CLYBL: variants seen among roughly 807,000 people sequenced by gnomAD.
CLYBL encodes the protein citramalyl-CoA lyase.
A neutral mutation model predicts 38.9 loss-of-function variants in CLYBL; 31 were observed. The observed-to-expected ratio is 0.80, with a 90% confidence interval of 0.60 to 1.08. The LOEUF is 1.08. Among genes scored for constraint, CLYBL ranks in the 50% least tolerant of loss-of-function variants. The pLI, the probability that CLYBL is intolerant of heterozygous loss-of-function variation, is 0.00. For missense variants in CLYBL, 434 were observed against 411.6 expected (o/e 1.05, Z -0.47); for synonymous variants, 171 against 158.6 (o/e 1.08, Z -0.59).
intron 2 of CLYBL, among the ~76,000 whole-genome samples, chr13:99,782,298 G>A (rs527980158): frequency 2.0e-5 from 3 of 152,284 alleles, no homozygotes; most frequent in African/African-American, 7.2e-5. Context: ...CCTGAGGTCA[G>A]GAGTTTGAGA....
chr13:99,887,082 A>G (rs2052368324), intron 7 of CLYBL, among the ~76,000 whole-genome samples: 2 of 152,216 alleles, frequency 1.3e-5, no homozygotes, highest in Admixed American at 1.3e-4. Context: ...AGACCTGCAT[A>G]TCCAAGCCAG....
intron 1 of CLYBL, among the ~76,000 whole-genome samples, chr13:99,616,549 C>T (rs1182373447): frequency 2.6e-5 from 4 of 152,192 alleles, no homozygotes; most frequent in Non-Finnish European, 5.9e-5. Flanking sequence ...TCACACTGGG[C>T]CCGCCCATGG....
chr13:99,866,063 G>A (rs1184149242), intron 5 of CLYBL, among the ~76,000 whole-genome samples, 177 bp from the exon 6 acceptor site: 1 of 152,114 alleles, frequency 6.6e-6, no homozygotes, highest in African/African-American at 2.4e-5. Context: ...ACACATTCGA[G>A]GTTTAACTTG....
intron 1 of CLYBL, among the ~76,000 whole-genome samples, chr13:99,667,408 G>A (rs2047497737): frequency 1.4e-5 from 2 of 145,438 alleles, no homozygotes; most frequent in African/African-American, 5.1e-5. Context: ...AAGGATTGCA[G>A]TATAGTCCTA....
intron 1 of CLYBL, among the ~76,000 whole-genome samples, chr13:99,654,317 G>C (rs1456804310): frequency 6.6e-6 from 1 of 152,158 alleles, no homozygotes; most frequent in African/African-American, 2.4e-5. Context: ...AGCTGAGGCT[G>C]GGCTGGCAGT....
chr13:99,859,009 T>G lies in CLYBL; in HGVS notation c.398T>G (p.Leu133Arg). The G allele has an allele frequency of 2.5e-6, 4 of 1,613,904 alleles. No homozygotes were observed. Among genetic ancestry groups the G allele is most frequent in the Non-Finnish European group, 2.5e-6 (3 of 1,179,928 alleles). The change falls in exon 3 of 9, where the codon CTG becomes CGG. Residue 133 changes from leucine to arginine, a missense_variant. Coordinates refer to ENST00000339105, the MANE Select transcript of CLYBL (RefSeq NM_206808.5). ...CAATCCCGGGTCCTTCCTTCCAGCC[T>G]GATGCTACCAAAGGTGGAAAGTCCT... is the stretch of plus-strand genomic sequence containing the variant. ...LLQSRVLPSSLMLPKVESPEE... is the reference protein window; with the variant it reads ...LLQSRVLPSSRMLPKVESPEE...
intron 1 of CLYBL, among the ~76,000 whole-genome samples, chr13:99,745,695 A>G (rs2048837944): frequency 1.3e-5 from 2 of 152,204 alleles, no homozygotes; most frequent in South Asian, 4.1e-4. Flanking sequence ...CATGGGTCCT[A>G]TACAATCAAA....
chr13:99,817,876 C>T (rs766262001), intron 2 of CLYBL, among the ~76,000 whole-genome samples: 3 of 151,798 alleles, frequency 2.0e-5, no homozygotes, highest in Non-Finnish European at 4.4e-5. Flanking sequence ...TGGTGGCACA[C>T]ACCTCTAGTC....
chr13:99,730,002 C>T (rs1300965743), intron 1 of CLYBL, among the ~76,000 whole-genome samples: 2 of 152,090 alleles, frequency 1.3e-5, no homozygotes, highest in African/African-American at 2.4e-5. Context: ...TCAGCATTGC[C>T]GGTGCCCCCC....
At chr13:99,907,862 G>A (rs745989319) in intron 9 of CLYBL, among the ~76,000 whole-genome samples, 19 of 152,240 alleles carry the variant, frequency 1.2e-4, no homozygotes, top group Non-Finnish European at 2.2e-4. Context: ...ATAGAGAGCC[G>A]CAGCACGTGG....
chr13:99,804,426 G>A (rs2050192211), intron 2 of CLYBL, among the ~76,000 whole-genome samples: 1 of 152,022 alleles, frequency 6.6e-6, no homozygotes, highest in South Asian at 2.1e-4. Flanking sequence ...CTCTCTTGTT[G>A]GCCACTATAA....
rs373173552 is a variant in CLYBL at position 99,694,665 on chromosome 13, G to A, written c.63-78159G>A. Among the ~76,000 whole-genome samples, 5 of 152,248 alleles carry A rather than the reference G, an allele frequency of 3.3e-5. No individual in the cohort carries two copies. The East Asian group carries it at 7.7e-4, about 24-fold the overall frequency. On this transcript the variant is annotated intron_variant, in intron 1 of 8. Coordinates refer to ENST00000339105, the MANE Select transcript of CLYBL (RefSeq NM_206808.5). ...GCTTCATTAATTAACCGAGGAGCAC[G>A]TCTAAATGGAAAATTGCTTTCTGAG...
intron 7 of CLYBL, among the ~76,000 whole-genome samples, chr13:99,889,274 T>C (rs1311257046): frequency 6.6e-6 from 1 of 152,210 alleles, no homozygotes; most frequent in Non-Finnish European, 1.5e-5. Context: ...GCAGGACAGA[T>C]GTGCTGTTTT....
At position 99,730,986 on chromosome 13, in the gene CLYBL, G is replaced by A. The variant is rs184466692; in HGVS notation, c.63-41838G>A. Among the ~76,000 whole-genome samples, 640 of 151,642 alleles carry A rather than the reference G, an allele frequency of 4.2e-3. 1 individual carries two copies. Among genetic ancestry groups the A allele is most frequent in the Non-Finnish European group, 6.5e-3 (443 of 67,930 alleles). On this transcript the variant is annotated intron_variant, in intron 1 of 8. Transcript: ENST00000339105. ...TAGTCCCAGCAACTCAGGAGGCTGA[G>A]GCAGGAGAATCACTTGAGCCCCGGG...
At chr13:99,889,135 C>T (rs2052424753) in intron 7 of CLYBL, among the ~76,000 whole-genome samples, 1 of 152,224 alleles carries the variant, frequency 6.6e-6, no homozygotes, top group Non-Finnish European at 1.5e-5. Context: ...TTGATGTGCA[C>T]ATGGAACCCA....
intron 2 of CLYBL, among the ~76,000 whole-genome samples, chr13:99,831,993 C>T (rs1307445919): frequency 6.6e-6 from 1 of 152,172 alleles, no homozygotes; most frequent in East Asian, 1.9e-4. Flanking sequence ...CTCAATAGAT[C>T]TTTTGATAAC....
rs535356909 is a variant in CLYBL at position 99,700,884 on chromosome 13, A to G, written c.63-71940A>G. ...ACAGCATGAAAGAACTTGAAAACAA[A>G]TGATTTAGTATTCATTACGGAAAAG... is the stretch of plus-strand genomic sequence containing the variant. On this transcript the variant is annotated intron_variant, in intron 1 of 8. Coordinates refer to ENST00000339105, the MANE Select transcript of CLYBL (RefSeq NM_206808.5). Among the ~76,000 whole-genome samples, 306 of 152,354 alleles carry G rather than the reference A, an allele frequency of 2.0e-3. 1 individual carries two copies. Among genetic ancestry groups the G allele is most frequent in the African/African-American group, 7.1e-3 (296 of 41,584 alleles).
chr13:99,819,436 AT>A lies in CLYBL; in HGVS notation c.250-39424del, dbSNP rs1566340079. ...AAAATTTATATATATATATATATATATATATATATATATATATATATATATA... is the reference window on the plus strand; with the variant it reads ...AAAATTTATATATATATATATATATAATATATATATATATATATATATATA... On this transcript the variant is annotated intron_variant, in intron 2 of 8. Coordinates refer to ENST00000339105, the MANE Select transcript of CLYBL (RefSeq NM_206808.5). Among the ~76,000 whole-genome samples, 233 of 76,770 alleles carry A rather than the reference AT, an allele frequency of 3.0e-3. 12 individuals carry two copies. Among genetic ancestry groups the A allele is most frequent in the African/African-American group, 0.01 (205 of 20,186 alleles). The allele number at this position is 76,770 out of a possible 152,430, so 50.4% of individuals were successfully genotyped here. A position where few individuals can be genotyped will look rare whatever the true frequency, so the allele number is the denominator to read the frequency against.
intron 8 of CLYBL, among the ~76,000 whole-genome samples, chr13:99,902,850 A>G (rs2052656898): frequency 6.6e-6 from 1 of 152,178 alleles, no homozygotes; most frequent in African/African-American, 2.4e-5. Context: ...TGCTGGACTT[A>G]ATTTAATTAT....
Sources: allele counts gnomAD v4.1 joint callset (sites outside exome capture counted in the v4.1 genomes callset), GRCh38; gene constraint gnomAD v4.1.1; transcripts MANE v1.5; gene names NCBI Gene and HGNC (gene_info 2026-07-23, HGNC 2026-07-21).